The following BARD1 variants were observed in gnomAD, a reference collection of about 807,000 sequenced individuals.
BARD1 encodes BRCA1 associated RING domain 1.
BARD1 carries 73 observed loss-of-function variants against 77.0 expected under a neutral mutation model. That is an observed-to-expected ratio of 0.95 (90% CI 0.79 to 1.15). BARD1 has a LOEUF of 1.15. BARD1 is among the 50% of genes most tolerant of loss of function. BARD1 has a pLI of 0.00. For missense variants in BARD1, 993 were observed against 938.8 expected (o/e 1.06, Z -0.75); for synonymous variants, 384 against 338.0 (o/e 1.14, Z -1.49).
rs570480045 is a variant in BARD1 at position 214,792,337 on chromosome 2, A to G, written c.324T>C (p.Cys108=). ...CATGTAGCAAATTTCGAAGCTTACT[A>G]CAAAGTTGAATCATGCTGTCCAGTT... ...NRQLDSMIQL[C]SKLRNLLHDN... is the part of the protein sequence containing the mutation. The change falls in exon 3 of 11, where the codon TGT becomes TGC. Residue 108 remains cysteine (C), a synonymous_variant. Transcript: ENST00000260947. 6.2e-7 allele frequency: 1 copy of G among 1,613,498 alleles called. No homozygotes were observed. The highest frequency in any genetic ancestry group is 8.5e-7 in the Non-Finnish European group (1 of 1,179,738).
rs1574699700 is a variant in BARD1 at position 214,727,850 on chromosome 2, T to C, written c.*826A>G. The C allele has an allele frequency of 4.5e-6, 1 of 221,354 alleles. No individual in the cohort carries two copies. The highest frequency in any genetic ancestry group is 1.8e-4 in the South Asian group (1 of 5,458). 13.7% of individuals were successfully genotyped at this position (221,354 alleles called of 1,614,324 possible). ...AAGAAGACTGCTTCTTAATTTAAAG[T>C]AATGACGTTGGACTGACAATTTGCT... On this transcript the variant is annotated 3_prime_UTR_variant, in exon 11 of 11. Transcript: ENST00000260947.
chr2:214,751,135 ATATATATATATATATATTTTTTTT>A (rs1559393020), intron 7 of BARD1, among the ~76,000 whole-genome samples: 8 of 16,870 alleles, frequency 4.7e-4, no homozygotes, highest in East Asian at 2.7e-3. Flanking sequence ...ATATATATAT[ATATATATATATATATATTTTTTTT>A]TTTTTTTTTT....
At chr2:214,736,880 T>C (rs1408491428) in intron 9 of BARD1, among the ~76,000 whole-genome samples, 1 of 152,130 alleles carries the variant, frequency 6.6e-6, no homozygotes, top group Non-Finnish European at 1.5e-5. Context: ...GTTAAACAAA[T>C]ACATTTCTCT....
chr2:214,741,510 T>C (rs1692826948), intron 9 of BARD1, among the ~76,000 whole-genome samples: 1 of 152,148 alleles, frequency 6.6e-6, no homozygotes. Flanking sequence ...GACTTATTTA[T>C]ATACCTTCTA....
At chr2:214,736,961 A>G (rs933730633) in intron 9 of BARD1, among the ~76,000 whole-genome samples, 4 of 152,288 alleles carry the variant, frequency 2.6e-5, no homozygotes, top group Admixed American at 2.0e-4. Flanking sequence ...GAAGAATGAA[A>G]GTAGCTCTTT....
intron 6 of BARD1, 149 bp downstream of exon 6, chr2:214,767,333 T>C (rs1430109339): frequency 7.8e-6 from 6 of 766,150 alleles, no homozygotes; most frequent in Non-Finnish European, 1.3e-5. Flanking sequence ...AGGCTGATTA[T>C]GAGTGCAGAA....
intron 9 of BARD1, among the ~76,000 whole-genome samples, chr2:214,738,279 G>A (rs529995294): frequency 6.6e-6 from 1 of 152,202 alleles, no homozygotes; most frequent in South Asian, 2.1e-4. Flanking sequence ...TCCATTTCAT[G>A]TAAGCTTTCC....
intron 6 of BARD1, among the ~76,000 whole-genome samples, chr2:214,767,086 T>C (rs578060041): frequency 6.6e-6 from 1 of 152,322 alleles, no homozygotes; most frequent in Non-Finnish European, 1.5e-5. Flanking sequence ...TTTGGTTTTC[T>C]GTTCATGCGT....
At chr2:214,757,421 CAAT>C (rs1693744370) in intron 6 of BARD1, among the ~76,000 whole-genome samples, 1 of 151,846 alleles carries the variant, frequency 6.6e-6, no homozygotes, top group South Asian at 2.1e-4. Flanking sequence ...CTTGAACAGA[CAAT>C]CCAGGTGTTC....
intron 6 of BARD1, among the ~76,000 whole-genome samples, chr2:214,765,711 G>A (rs1694164497): frequency 6.6e-6 from 1 of 151,898 alleles, no homozygotes; most frequent in Admixed American, 6.6e-5. Context: ...CAAAGAAATA[G>A]GTCCATGTAT....
At chr2:214,730,365 G>A in intron 10 of BARD1, 46 bp downstream of exon 10, 3 of 1,499,378 alleles carry the variant, frequency 2.0e-6, no homozygotes, top group Non-Finnish European at 2.8e-6. Context: ...GATAATAATA[G>A]TATGTCATAA....
intron 7 of BARD1, among the ~76,000 whole-genome samples, chr2:214,746,631 A>G (rs1157755218): frequency 1.3e-5 from 2 of 152,204 alleles, no homozygotes; most frequent in Admixed American, 6.6e-5. Context: ...TGTAAATGAC[A>G]GAATTCAGCA....
At chr2:214,770,387 A>G (rs568430622) in intron 4 of BARD1, among the ~76,000 whole-genome samples, 8 of 152,340 alleles carry the variant, frequency 5.3e-5, no homozygotes, top group South Asian at 2.1e-4. Flanking sequence ...CAACAATGTT[A>G]TAACAGTAGC....
At chr2:214,742,194 G>C (rs1052192446) in intron 9 of BARD1, among the ~76,000 whole-genome samples, 9 of 152,128 alleles carry the variant, frequency 5.9e-5, no homozygotes, top group Non-Finnish European at 1.3e-4. Context: ...TAATATGAAT[G>C]GTTTTCAAAT....
intron 6 of BARD1, among the ~76,000 whole-genome samples, chr2:214,756,396 T>A (rs548581719): frequency 6.6e-6 from 1 of 152,296 alleles, no homozygotes; most frequent in African/African-American, 2.4e-5. Flanking sequence ...TGTAAACTAG[T>A]ACAACCACTA....
intron 2 of BARD1, among the ~76,000 whole-genome samples, chr2:214,793,726 T>A (rs1372618404): frequency 6.6e-6 from 1 of 152,130 alleles, no homozygotes; most frequent in Non-Finnish European, 1.5e-5. Flanking sequence ...TATAAACTAT[T>A]CCCAAATTAT....
At chr2:214,800,361 G>A (rs1695961588) in intron 1 of BARD1, among the ~76,000 whole-genome samples, 1 of 152,156 alleles carries the variant, frequency 6.6e-6, no homozygotes, top group East Asian at 1.9e-4. Flanking sequence ...CAAGAAGGAA[G>A]TGTGTGAGCC....
intron 6 of BARD1, among the ~76,000 whole-genome samples, chr2:214,754,477 C>T (rs1210981040): frequency 6.6e-6 from 1 of 152,034 alleles, no homozygotes; most frequent in Non-Finnish European, 1.5e-5. Flanking sequence ...GCAACTGAAT[C>T]ACATTAGCAT....
intron 4 of BARD1, among the ~76,000 whole-genome samples, chr2:214,776,580 G>T (rs1391736797): frequency 1.3e-5 from 2 of 152,196 alleles, no homozygotes; most frequent in Middle Eastern, 3.2e-3. Flanking sequence ...TGATAATTTT[G>T]ATTTCGGTCA....
Sources: allele counts gnomAD v4.1 joint callset (sites outside exome capture counted in the v4.1 genomes callset), GRCh38; gene constraint gnomAD v4.1.1; transcripts MANE v1.5; gene names NCBI Gene and HGNC (gene_info 2026-07-23, HGNC 2026-07-21).